Variants in JADE3 observed in about 807,000 individuals in gnomAD.
The protein encoded by JADE3 is jade family PHD finger 3.
A neutral mutation model predicts 50.1 loss-of-function variants in JADE3; 2 were observed. The ratio of observed to expected loss-of-function variants is 0.04; its 90% CI spans 0.02 to 0.13. The LOEUF is 0.13. Among genes scored for constraint, JADE3 ranks in the 10% least tolerant of loss-of-function variants. The pLI is 1.00. For missense variants in JADE3, 475 were observed against 634.4 expected (o/e 0.75, Z 2.70); for synonymous variants, 218 against 232.9 (o/e 0.94, Z 0.58).
At chrX:46,920,081 C>T (rs901604534) in intron 1 of JADE3, among the ~76,000 whole-genome samples, 1 of 110,991 alleles carries the variant, frequency 9.0e-6, no homozygotes, top group Admixed American at 9.6e-5. Context: ...TAAACTTTTA[C>T]GTATGTGTTT....
At chrX:46,984,201 T>G (rs1927815849) in intron 1 of JADE3, among the ~76,000 whole-genome samples, 1 of 112,451 alleles carries the variant, frequency 8.9e-6, no homozygotes. Flanking sequence ...GGGTGATGCT[T>G]CTTTTTTATC....
chrX:46,959,435 A>ACC (rs782655849), intron 1 of JADE3, among the ~76,000 whole-genome samples: 1 of 112,066 alleles, frequency 8.9e-6, no homozygotes, highest in East Asian at 2.8e-4. Context: ...CCCAGTATGT[A>ACC]CCAGGCACCG....
chrX:46,965,457 C>T (rs930660461), intron 1 of JADE3, among the ~76,000 whole-genome samples: 1 of 111,117 alleles, frequency 9.0e-6, no homozygotes, highest in Admixed American at 9.5e-5. Flanking sequence ...AACTCATTCT[C>T]GGAGATTTGA....
chrX:46,935,826 C>T (rs868980240), intron 1 of JADE3, among the ~76,000 whole-genome samples: 3 of 62,733 alleles, frequency 4.8e-5, no homozygotes, highest in African/African-American at 6.6e-5. Flanking sequence ...AAGTCTTTCA[C>T]TTTTTTTTTT....
At chrX:46,995,759 TTA>T (rs1202394183) in intron 3 of JADE3, among the ~76,000 whole-genome samples, 1 of 111,549 alleles carries the variant, frequency 9.0e-6, no homozygotes, top group Non-Finnish European at 1.9e-5. Flanking sequence ...ACTCAGCATT[TTA>T]TGTTCTGTCT....
At chrX:46,950,727 G>A (rs1262639938) in intron 1 of JADE3, among the ~76,000 whole-genome samples, 3 of 112,014 alleles carry the variant, frequency 2.7e-5, no homozygotes, top group African/African-American at 9.7e-5. Flanking sequence ...TTTCCAAGGT[G>A]GCTGAACCCT....
chrX:47,046,577 A>T (rs2146986632), intron 8 of JADE3, among the ~76,000 whole-genome samples: 1 of 112,431 alleles, frequency 8.9e-6, no homozygotes, highest in East Asian at 2.8e-4. Flanking sequence ...GACACATCAA[A>T]AAAAGAAAAC....
intron 3 of JADE3, among the ~76,000 whole-genome samples, chrX:46,988,871 G>A (rs1454152359): frequency 8.9e-6 from 1 of 111,838 alleles, no homozygotes; most frequent in South Asian, 3.7e-4. Flanking sequence ...ACGGAGTCTC[G>A]CTCTGTCGCT....
rs140220438 is a variant in JADE3, at chrX:47,015,388, C to A, written c.285-9336C>A. On this transcript the variant is annotated intron_variant, in intron 4 of 10. Transcript: ENST00000614628. ...CTTGAGATCAGGAGTTCGAGACCAGCCTGGCCAACATGGTAAAACCCCATC... is the reference window on the plus strand; with the variant it reads ...CTTGAGATCAGGAGTTCGAGACCAGACTGGCCAACATGGTAAAACCCCATC... 8.6e-3 allele frequency among the ~76,000 whole-genome samples: 949 copies of A among 110,493 alleles called. 5 individuals carry two copies. Among genetic ancestry groups the A allele is most frequent in the East Asian group, 0.026 (89 of 3,468 alleles).
chrX:46,979,512 T>A (rs1430130173), intron 1 of JADE3, among the ~76,000 whole-genome samples: 2 of 111,878 alleles, frequency 1.8e-5, no homozygotes, highest in African/African-American at 3.3e-5. Context: ...CCATCATGAG[T>A]CATCCATATG....
In JADE3 at chrX:47,059,046, A is replaced by G. The variant is rs1556374307; in HGVS notation, c.2441A>G (p.His814Arg). 2 of 1,200,599 alleles carry G rather than the reference A, an allele frequency of 1.7e-6. No individual in the cohort carries two copies. The highest frequency in any genetic ancestry group is 1.1e-6 in the Non-Finnish European group (1 of 892,805). Residue 814 changes from histidine to arginine, a missense_variant, in exon 11 of 11, where the codon CAT (histidine) becomes CGT (arginine). Coordinates refer to ENST00000614628, the MANE Select transcript of JADE3 (RefSeq NM_014735.5). ...RRDCHGKSKT[H>R]PLSHSSMQR ...GATTGCCATGGTAAAAGCAAGACAC[A>G]TCCCCTTTCCCACAGTTCAATGCAA...
At chrX:46,962,764 A>G (rs1927288557) in intron 1 of JADE3, among the ~76,000 whole-genome samples, 1 of 111,280 alleles carries the variant, frequency 9.0e-6, no homozygotes, top group Non-Finnish European at 1.9e-5. Flanking sequence ...ATTGAACCCT[A>G]TGAAATTGCT....
At chrX:46,918,271 G>C (rs1926150946) in intron 1 of JADE3, among the ~76,000 whole-genome samples, 1 of 111,881 alleles carries the variant, frequency 8.9e-6, no homozygotes, top group Non-Finnish European at 1.9e-5. Flanking sequence ...GTTGTTCAGT[G>C]TTAGAAATGG....
At position 47,058,700 on chromosome X, in the gene JADE3, G is replaced by A. The variant is rs1556374102; in HGVS notation, c.2095G>A (p.Val699Ile). The A allele has an allele frequency of 8.3e-7, 1 of 1,211,227 alleles. No individual in the cohort carries two copies. Among genetic ancestry groups the A allele is most frequent in the African/African-American group, 1.7e-5 (1 of 57,753 alleles). ...DQEPVFSPHL[V>I]SQGSFRKSTV... ...GGAGCCTGTGTTCAGCCCCCACTTG[G>A]TCAGTCAGGGCAGCTTTAGAAAATC... Residue 699 changes from valine to isoleucine, a missense_variant, in exon 11 of 11, where the codon GTC becomes ATC. Val to Ile is a conservative substitution (Grantham distance 29). Transcript: ENST00000614628.
At chrX:47,024,700 A>G (rs782535462) in intron 4 of JADE3, 24 bp from the exon 5 acceptor site, 2 of 1,055,362 alleles carry the variant, frequency 1.9e-6, no homozygotes, top group Non-Finnish European at 2.6e-6. Context: ...GATTGTTATC[A>G]TTGTCTTTCT....
intron 5 of JADE3, among the ~76,000 whole-genome samples, chrX:47,027,419 A>G (rs1928930189): frequency 8.9e-6 from 1 of 112,388 alleles, no homozygotes; most frequent in Admixed American, 9.5e-5. Context: ...ATACATTTTT[A>G]TATGAAAATT....
chrX:46,952,667 A>G lies in JADE3; in HGVS notation c.-11-32217A>G, dbSNP rs781941984. On this transcript the variant is annotated intron_variant, in intron 1 of 10. Transcript: ENST00000614628. Reference sequence around the variant, plus strand: ...TTTCACAATACACTGCCTCTAGGGCACAAGGGGCAGGCAAACAGAGAGAAA... The same window carrying G: ...TTTCACAATACACTGCCTCTAGGGCGCAAGGGGCAGGCAAACAGAGAGAAA... 3.6e-5 allele frequency among the ~76,000 whole-genome samples: 4 copies of G among 112,190 alleles called. No homozygotes were observed. The East Asian group carries it at 1.1e-3, about 31-fold the overall frequency.
intron 1 of JADE3, among the ~76,000 whole-genome samples, chrX:46,940,930 A>C (rs1926738201): frequency 1.8e-5 from 2 of 111,946 alleles, no homozygotes; most frequent in Non-Finnish European, 3.8e-5. Flanking sequence ...TTTTTCATTT[A>C]AAAATATAAT....
intron 1 of JADE3, among the ~76,000 whole-genome samples, chrX:46,928,832 T>TA (rs782453293): frequency 2.6e-4 from 29 of 111,415 alleles, no homozygotes; most frequent in Admixed American, 9.6e-4. Context: ...AGGCTGGTCT[T>TA]AAATTCCTGG....
Sources: gnomAD v4.1 joint callset for allele counts (sites outside exome capture counted in the v4.1 genomes callset) on GRCh38, gnomAD v4.1.1 for gene constraint, MANE v1.5 for transcripts, NCBI Gene and HGNC (gene_info 2026-07-23, HGNC 2026-07-21) for gene names.